HOMEZ: variants seen among roughly 807,000 people sequenced by gnomAD.
The protein encoded by HOMEZ is homeobox and leucine zipper encoding.
In HOMEZ, 20 loss-of-function variants were observed where a neutral mutation model predicts 50.1. The ratio of observed to expected loss-of-function variants is 0.40; its 90% CI spans 0.28 to 0.58. The LOEUF is 0.58. Ranked by LOEUF, HOMEZ falls within the 20% of genes least tolerant of loss-of-function variation. The probability of loss-of-function intolerance (pLI) is 0.46; values close to 1 mark genes in which losing one functional copy is unlikely to be tolerated. For missense variants in HOMEZ, 579 were observed against 680.5 expected, an observed-to-expected ratio of 0.85 and a Z score of 1.66; for synonymous variants, 239 against 254.7, an observed-to-expected ratio of 0.94 and a Z score of 0.59.
In HOMEZ at chr14:23,276,814, A is replaced by G. The variant is rs1886374636; in HGVS notation, c.414T>C (p.Leu138=). 6.2e-7 allele frequency: 1 copy of G among 1,613,874 alleles called. No homozygotes were observed. Among genetic ancestry groups the G allele is most frequent in the East Asian group, 2.2e-5 (1 of 44,902 alleles). The change falls in exon 2 of 2, where the codon CTT becomes CTC. Residue 138 remains leucine, a synonymous_variant. Coordinates refer to ENST00000357460, the MANE Select transcript of HOMEZ (RefSeq NM_020834.3). This position sits in a 1 kb window ranked among gnomAD's most constrained non-coding sequence, Gnocchi z 4.1. ...YRRDQLHFKS[L]LSFTHHAGRP... ...GTCCCGCATGATGAGTAAAAGAGAG[A>G]AGGGATTTGAAATGGAGTTGGTCCC...
chr14:23,280,715 ATTTTATTTTATTTTATT>A (rs1419020117), intron 1 of HOMEZ, among the ~76,000 whole-genome samples: 1 of 60,112 alleles, frequency 1.7e-5, no homozygotes, highest in East Asian at 4.2e-4. Context: ...TTTTATTTTT[ATTTTATTTTATTTTATT>A]TTATTTTATT....
intron 1 of HOMEZ, among the ~76,000 whole-genome samples, chr14:23,277,815 ATG>A (rs1886400210): frequency 6.7e-6 from 1 of 149,258 alleles, no homozygotes; most frequent in African/African-American, 2.5e-5. Flanking sequence ...TTTAGTGTGT[ATG>A]TGTGTGTCTG....
chr14:23,273,667 T>C lies in HOMEZ; in HGVS notation c.*1908A>G, dbSNP rs1331505841. 2.6e-5 allele frequency: 4 copies of C among 152,222 alleles called. No individual in the cohort carries two copies. Among genetic ancestry groups the C allele is most frequent in the Non-Finnish European group, 5.9e-5 (4 of 68,032 alleles). The allele number at this position is 152,222 out of a possible 1,614,324, so 9.4% of individuals were successfully genotyped here. On this transcript the variant is annotated 3_prime_UTR_variant, in exon 2 of 2. Transcript: ENST00000357460. ...TAGCAGGCATCTGCCAGAAATAAAT[T>C]AGGTCTTGGGAATGATCTTGTATCT...
chr14:23,280,885 T>C (rs1373844595), intron 1 of HOMEZ, among the ~76,000 whole-genome samples: 1 of 151,192 alleles, frequency 6.6e-6, no homozygotes, highest in Non-Finnish European at 1.5e-5. Context: ...GTGATTCCCT[T>C]GCCTCAGCCT....
In HOMEZ at chr14:23,272,506, G is replaced by A. The variant is rs1886180637; in HGVS notation, c.*3069C>T. On this transcript the variant is annotated 3_prime_UTR_variant, in exon 2 of 2. Coordinates refer to ENST00000357460, the MANE Select transcript of HOMEZ (RefSeq NM_020834.3). ...TGAAGGAAATGCCACCTCCTCAGAG[G>A]CCTAAGAACTCTGCCTCCCTGGTAG... 1 of 348,900 alleles carries A rather than the reference G, an allele frequency of 2.9e-6. No individual in the cohort carries two copies. The highest frequency in any genetic ancestry group is 5.3e-6 in the Non-Finnish European group (1 of 187,794). The allele number at this position is 348,900 out of a possible 1,614,324, so 21.6% of individuals were successfully genotyped here. A position where few individuals can be genotyped will look rare whatever the true frequency, so the allele number is the denominator to read the frequency against.
Position 23,275,694 on chromosome 14 carries a change from A to C in HOMEZ, c.1534T>G (p.Cys512Gly). The C allele has an allele frequency of 6.3e-7, 1 of 1,599,430 alleles. No individual in the cohort carries two copies. The highest frequency in any genetic ancestry group is 8.5e-7 in the Non-Finnish European group (1 of 1,172,864). The change falls in exon 2 of 2, where the codon TGT becomes GGT. Residue 512 changes from cysteine (C) to glycine (G), a missense_variant. By Grantham distance (159) the Cys-to-Gly change is radical. Transcript: ENST00000357460. ...TCCTCTTCCTCTTCTTCATCTAGAC[A>C]AACTACCACCTCAGCTGGCTGAGGT... ...RLPQPAEVVVCLDEEEEEEEE... is the reference protein window; with the variant it reads ...RLPQPAEVVVGLDEEEEEEEE...
intron 1 of HOMEZ, among the ~76,000 whole-genome samples, chr14:23,281,017 C>T (rs28637329): frequency 0.32 from 48,369 of 151,402 alleles, 8,474 homozygotes; most frequent in Non-Finnish European, 0.39. Context: ...CATCTGCCTG[C>T]CTCAGCCTCC....
rs1476329762 is a variant in HOMEZ, at chr14:23,275,520, G to C, written c.*55C>G. On this transcript the variant is annotated 3_prime_UTR_variant, in exon 2 of 2. Transcript: ENST00000357460. ...AAAATGTGGTTTCTTTGTTTAAACA[G>C]TTACTAAGTTGGTTCATCTTTCAGT... is the stretch of plus-strand genomic sequence containing the variant. 6.7e-7 allele frequency: 1 copy of C among 1,489,212 alleles called. No individual in the cohort carries two copies. Among genetic ancestry groups the C allele is most frequent in the African/African-American group, 1.4e-5 (1 of 70,926 alleles). The allele number at this position is 1,489,212 out of a possible 1,614,324, so 92.2% of individuals were successfully genotyped here.
chr14:23,285,760 G>T (rs559148243), intron 1 of HOMEZ, 153 bp downstream of exon 1: 1 of 435,484 alleles, frequency 2.3e-6, no homozygotes, highest in Non-Finnish European at 3.9e-6. Flanking sequence ...TTACAACAGG[G>T]GAGGGAACCG....
rs1230563232 is a variant in HOMEZ, at chr14:23,285,946, G to A, written c.7C>T (p.Arg3Ter). The A allele has an allele frequency of 4.8e-6, 6 of 1,244,964 alleles. No individual in the cohort carries two copies. Among genetic ancestry groups the A allele is most frequent in the Non-Finnish European group, 4.1e-6 (4 of 987,222 alleles). 77.1% of individuals were successfully genotyped at this position (1,244,964 alleles called of 1,614,324 possible). Residue 3 changes from arginine to a stop codon, truncating the protein, a stop_gained, in exon 1 of 2, where the codon CGA becomes TGA. Coordinates refer to ENST00000357460, the MANE Select transcript of HOMEZ (RefSeq NM_020834.3). LOFTEE classifies it high-confidence loss of function. MV[R>*]GWEPPPGLDC... The stretch of plus-strand genomic sequence containing the variant: ...AGCCCGGGCGGCGGCTCCCAGCCTC[G>A]CACCATGGGCCGGGGGGAAGTGGGG...
In HOMEZ at chr14:23,275,948, G is replaced by A. The variant is rs755283308; in HGVS notation, c.1280C>T (p.Ala427Val). ...KWFRDNAVPG[A>V]PSFQDPAIPT... ...AATTGCTGGGTCTTGGAAACTAGGG[G>A]CACCAGGTACTGCGTTGTCCCGAAA... The change falls in exon 2 of 2, where the codon GCC (alanine) becomes GTC (valine). Residue 427 changes from alanine (A) to valine (V), a missense_variant. Ala to Val is a moderately conservative substitution (Grantham distance 64). Coordinates refer to ENST00000357460, the MANE Select transcript of HOMEZ (RefSeq NM_020834.3). The A allele has an allele frequency of 1.2e-6, 2 of 1,611,070 alleles. No individual in the cohort carries two copies. Among genetic ancestry groups the A allele is most frequent in the South Asian group, 1.1e-5 (1 of 90,674 alleles).
rs74036970 is a variant in HOMEZ, at chr14:23,282,881, A to C, written c.40+3032T>G. On this transcript the variant is annotated intron_variant, in intron 1 of 1. Transcript: ENST00000357460. The stretch of plus-strand genomic sequence containing the variant: ...TTACACAAAACACCAGTTATGGAAC[A>C]CTTCCTGAAACAGAATGGTGGCTTA... Among the ~76,000 whole-genome samples the C allele has an allele frequency of 5.7e-3, 869 of 152,356 alleles. 5 individuals carry two copies. The highest frequency in any genetic ancestry group is 0.02 in the African/African-American group (814 of 41,570).
At chr14:23,279,465 T>C (rs1259272449) in intron 1 of HOMEZ, among the ~76,000 whole-genome samples, 1 of 152,034 alleles carries the variant, frequency 6.6e-6, no homozygotes, top group Non-Finnish European at 1.5e-5. Context: ...GTGAGTGGTT[T>C]GGTGGGGAAA....
At chr14:23,282,475 C>A (rs1474648260) in intron 1 of HOMEZ, among the ~76,000 whole-genome samples, 1 of 152,082 alleles carries the variant, frequency 6.6e-6, no homozygotes, top group Non-Finnish European at 1.5e-5. Context: ...GCACTGCTTG[C>A]ATGGCCAGGT....
intron 1 of HOMEZ, among the ~76,000 whole-genome samples, chr14:23,283,383 T>C (rs138930098): frequency 5.4e-4 from 82 of 151,894 alleles, no homozygotes; most frequent in Admixed American, 1.6e-3. Flanking sequence ...CAAATAAATA[T>C]ATAAATTTTA....
chr14:23,280,764 T>TTTTA lies in HOMEZ; in HGVS notation c.41-3581_41-3578dup, dbSNP rs1491177276. On this transcript the variant is annotated intron_variant, in intron 1 of 1. Coordinates refer to ENST00000357460, the MANE Select transcript of HOMEZ (RefSeq NM_020834.3). Reference sequence around the variant, plus strand: ...TATTATTTTATTTTATTTTATTTTATTTTATTTTATTTTATTTTATTTTAT... The same window carrying TTTTA: ...TATTATTTTATTTTATTTTATTTTATTTTATTTATTTTATTTTATTTTATTTTAT... 6.0e-3 allele frequency among the ~76,000 whole-genome samples: 664 copies of TTTTA among 110,704 alleles called. 34 individuals carry two copies. Among genetic ancestry groups the TTTTA allele is most frequent in the South Asian group, 0.021 (72 of 3,394 alleles). The allele number at this position is 110,704 out of a possible 152,430, so 72.6% of individuals were successfully genotyped here. A position where few individuals can be genotyped will look rare whatever the true frequency, so the allele number is the denominator to read the frequency against.
intron 1 of HOMEZ, among the ~76,000 whole-genome samples, chr14:23,277,963 G>A (rs1301494147): frequency 1.3e-5 from 2 of 150,718 alleles, no homozygotes; most frequent in Non-Finnish European, 3.0e-5. Context: ...CGAGTAGCTG[G>A]GATTACAGGT....
At chr14:23,279,039 A>C (rs1594963828) in intron 1 of HOMEZ, among the ~76,000 whole-genome samples, 1 of 151,226 alleles carries the variant, frequency 6.6e-6, no homozygotes, top group East Asian at 1.9e-4. Context: ...GCTGGAGTGC[A>C]GTGGCGTGAT....
At position 23,280,707 on chromosome 14, in the gene HOMEZ, T is replaced by A. The variant is rs927241305; in HGVS notation, c.41-3520A>T. ...ATATTTTATTTTTATTTTTATATTTTTATTTTTATTTTATTTTATTTTATT... is the reference window on the plus strand; with the variant it reads ...ATATTTTATTTTTATTTTTATATTTATATTTTTATTTTATTTTATTTTATT... On this transcript the variant is annotated intron_variant, in intron 1 of 1. Transcript: ENST00000357460. 1.4e-3 allele frequency among the ~76,000 whole-genome samples: 118 copies of A among 82,294 alleles called. 11 individuals carry two copies. Among genetic ancestry groups the A allele is most frequent in the African/African-American group, 3.3e-3 (72 of 22,004 alleles). The allele number at this position is 82,294 out of a possible 152,430, so 54.0% of individuals were successfully genotyped here.
Sources: allele counts gnomAD v4.1 joint callset (sites outside exome capture counted in the v4.1 genomes callset), GRCh38; gene constraint gnomAD v4.1.1; non-coding constraint Gnocchi (gnomAD v3.1); transcripts MANE v1.5; gene names NCBI Gene and HGNC (gene_info 2026-07-23, HGNC 2026-07-21).